The following C1orf94 variants were observed in gnomAD, a reference collection of about 807,000 sequenced individuals.
The protein encoded by C1orf94 is uncharacterized protein C1orf94.
In C1orf94, 45 loss-of-function variants were observed where a neutral mutation model predicts 53.6. The observed-to-expected ratio is 0.84, with a 90% confidence interval of 0.66 to 1.08. C1orf94 has a LOEUF of 1.08. C1orf94 is among the 50% of genes least tolerant of loss of function. C1orf94 has a pLI of 0.00. For synonymous variants in C1orf94, 304 were observed against 296.1 expected (o/e 1.03, Z -0.27); for missense variants, 762 against 738.9 (o/e 1.03, Z -0.36).
At chr1:34,200,651 A>G (rs1571345497) in intron 2 of C1orf94, 121 bp from the exon 3 acceptor site, 2 of 1,369,722 alleles carry the variant, frequency 1.5e-6, no homozygotes, top group East Asian at 2.3e-5. Context: ...GAGTCCCCCA[A>G]AGTGGTCCAA....
chr1:34,171,113 G>T (rs540235539), intron 1 of C1orf94, among the ~76,000 whole-genome samples: 1 of 152,140 alleles, frequency 6.6e-6, no homozygotes, highest in East Asian at 1.9e-4. Context: ...TAAAATCCAA[G>T]CTCCCTGCTA....
chr1:34,207,031 A>C lies in C1orf94; in HGVS notation c.1447-1126A>C, dbSNP rs1003781400. 2.6e-5 allele frequency among the ~76,000 whole-genome samples: 4 copies of C among 152,160 alleles called. No individual in the cohort carries two copies. In the South Asian group the frequency reaches 6.2e-4, roughly 24 times the overall value. The stretch of plus-strand genomic sequence containing the variant: ...CTCCATATCAGAAAGTCCACAGGCC[A>C]TGAGGGAACCCTCAAGGGTGTAGGG... On this transcript the variant is annotated intron_variant, in intron 4 of 6. Transcript: ENST00000488417.
intron 4 of C1orf94, among the ~76,000 whole-genome samples, chr1:34,205,033 C>T (rs775842592): frequency 1.3e-5 from 2 of 152,190 alleles, no homozygotes; most frequent in African/African-American, 2.4e-5. Context: ...CCGTGTAAAA[C>T]TAATTTGCAA....
chr1:34,212,418 C>T lies in C1orf94; in HGVS notation c.1721+12C>T. 1.2e-6 allele frequency: 2 copies of T among 1,605,236 alleles called. No homozygotes were observed. The highest frequency in any genetic ancestry group is 1.1e-5 in the South Asian group (1 of 89,766). ...CCCCAAGGATATGGGTGAGTCAGCC[C>T]ACACTGGGAGCCTAAGGGTATCCAG... On this transcript the variant is annotated intron_variant, in intron 6 of 6. Transcript: ENST00000488417.
intron 1 of C1orf94, among the ~76,000 whole-genome samples, chr1:34,180,789 G>A (rs1642300941): frequency 6.6e-6 from 1 of 152,204 alleles, no homozygotes. Flanking sequence ...CCTGGTTTTG[G>A]TGGTGTTTTC....
At chr1:34,187,045 A>C (rs78921077) in intron 1 of C1orf94, among the ~76,000 whole-genome samples, 3,509 of 152,280 alleles carry the variant, frequency 0.023, 144 homozygotes, top group African/African-American at 0.08. Context: ...GGAAGCACAG[A>C]ATATCAATAG....
intron 4 of C1orf94, among the ~76,000 whole-genome samples, chr1:34,205,761 T>C (rs1642781864): frequency 6.6e-6 from 1 of 152,066 alleles, no homozygotes; most frequent in Admixed American, 6.5e-5. Flanking sequence ...GCACTGGGAA[T>C]AAAGATAAGG....
chr1:34,205,506 C>T (rs1234756768), intron 4 of C1orf94, among the ~76,000 whole-genome samples: 1 of 152,176 alleles, frequency 6.6e-6, no homozygotes, highest in Non-Finnish European at 1.5e-5. Flanking sequence ...CATGGTTCCT[C>T]ATTTGTGAAA....
At chr1:34,218,640 T>A (rs1299845991) in intron 6 of C1orf94, 46 bp from the exon 7 acceptor site, 1 of 1,464,046 alleles carries the variant, frequency 6.8e-7, no homozygotes, top group Non-Finnish European at 9.4e-7. Flanking sequence ...TTCTCTCCGA[T>A]AACATTAGGA....
chr1:34,217,570 A>G (rs1643010745), intron 6 of C1orf94, among the ~76,000 whole-genome samples: 3 of 152,226 alleles, frequency 2.0e-5, no homozygotes, highest in African/African-American at 7.2e-5. Context: ...GGCCCTGGGC[A>G]CATGATATGA....
Position 34,177,005 on chromosome 1 carries a change from G to A in C1orf94, c.-785G>A, listed in dbSNP as rs1642236404. Among the ~76,000 whole-genome samples the A allele has an allele frequency of 6.6e-6, 1 of 152,192 alleles. No homozygotes were observed. The highest frequency in any genetic ancestry group is 1.5e-5 in the Non-Finnish European group (1 of 68,026). ...ACTGGCAGGCAAATTGGTGGGAGCCGCCCGGCCCAGCCTGCCTTGCCGAGT... is the reference window on the plus strand; with the variant it reads ...ACTGGCAGGCAAATTGGTGGGAGCCACCCGGCCCAGCCTGCCTTGCCGAGT... On this transcript the variant is annotated 5_prime_UTR_variant, in exon 1 of 7. Transcript: ENST00000488417.
chr1:34,218,718 A>G lies in C1orf94; in HGVS notation c.1754A>G (p.His585Arg). ...FGSTSGGPLM[H>R]SPYFSSSGNG... ...TCGACATCCGGAGGGCCCTTGATGC[A>G]CAGCCCCTATTTTTCTTCCAGTGGG... Residue 585 changes from histidine to arginine, a missense_variant, in exon 7 of 7, where the codon CAC becomes CGC. Coordinates refer to ENST00000488417, the MANE Select transcript of C1orf94 (RefSeq NM_001134734.2). 1 of 1,612,656 alleles carries G rather than the reference A, an allele frequency of 6.2e-7. No individual in the cohort carries two copies. Among genetic ancestry groups the G allele is most frequent in the East Asian group, 2.2e-5 (1 of 44,844 alleles).
rs756417359 is a variant in C1orf94 at position 34,178,022 on chromosome 1, A to G, written c.233A>G (p.Glu78Gly). Reference protein sequence around the residue: ...EIWKRVQGLPEASQPWTSMEQ... With the variant: ...EIWKRVQGLPGASQPWTSMEQ... Reference sequence around the variant, plus strand: ...TGGAAGAGAGTTCAAGGCCTGCCTGAGGCCTCACAGCCCTGGACCTCCATG... The same window carrying G: ...TGGAAGAGAGTTCAAGGCCTGCCTGGGGCCTCACAGCCCTGGACCTCCATG... The change falls in exon 1 of 7, where the codon GAG becomes GGG. Residue 78 changes from glutamate (E) to glycine (G), a missense_variant. Transcript: ENST00000488417. The G allele has an allele frequency of 3.9e-6, 6 of 1,551,738 alleles. No individual in the cohort carries two copies. The East Asian group carries it at 7.3e-5, about 19-fold the overall frequency.
intron 1 of C1orf94, among the ~76,000 whole-genome samples, chr1:34,171,125 ACCCT>A (rs1372106495): frequency 1.3e-5 from 2 of 151,568 alleles, no homozygotes; most frequent in Non-Finnish European, 2.9e-5. Context: ...TCCCTGCTAG[ACCCT>A]CCCTACAAGA....
intron 1 of C1orf94, among the ~76,000 whole-genome samples, chr1:34,187,841 G>A (rs1642410478): frequency 7.2e-6 from 1 of 138,216 alleles, no homozygotes; most frequent in Non-Finnish European, 1.5e-5. Flanking sequence ...TCCCTGGAGG[G>A]AGAATCAGGT....
At position 34,212,379 on chromosome 1, in the gene C1orf94, C is replaced by T. The variant is rs150314159; in HGVS notation, c.1694C>T (p.Pro565Leu). 38 of 1,611,730 alleles carry T rather than the reference C, an allele frequency of 2.4e-5. No homozygotes were observed. In the Middle Eastern group the frequency reaches 5.0e-4, roughly 21 times the overall value. ...RDPPLMAGDGPQYLFPQGYGF... is the reference protein window; with the variant it reads ...RDPPLMAGDGLQYLFPQGYGF... Reference sequence around the variant, plus strand: ...CCTCCCCTAATGGCAGGAGATGGACCGCAGTACCTCTTTCCCCAAGGATAT... The same window carrying T: ...CCTCCCCTAATGGCAGGAGATGGACTGCAGTACCTCTTTCCCCAAGGATAT... Residue 565 changes from proline (P) to leucine (L), a missense_variant, in exon 6 of 7, where the codon CCG (proline) becomes CTG (leucine). Coordinates refer to ENST00000488417, the MANE Select transcript of C1orf94 (RefSeq NM_001134734.2).
At chr1:34,187,444 C>T (rs1571338881) in intron 1 of C1orf94, among the ~76,000 whole-genome samples, 1 of 152,188 alleles carries the variant, frequency 6.6e-6, no homozygotes, top group East Asian at 1.9e-4. Context: ...CCCATGTCCC[C>T]CTTTGTAATT....
intron 1 of C1orf94, among the ~76,000 whole-genome samples, chr1:34,184,487 C>A (rs889549240): frequency 6.6e-6 from 1 of 152,160 alleles, no homozygotes; most frequent in African/African-American, 2.4e-5. Context: ...GAGCATTATT[C>A]CAAGCCAGAC....
rs775571680 is a variant in C1orf94, at chr1:34,197,495, G to A, written c.591G>A (p.Arg197=). The A allele has an allele frequency of 4.3e-6, 7 of 1,614,112 alleles. No individual in the cohort carries two copies. Among genetic ancestry groups the A allele is most frequent in the Non-Finnish European group, 5.9e-6 (7 of 1,180,024 alleles). ...TGGCCATGCCCGTTATCAGCAGCAG[G>A]CAGGACTGTGATTCTGCCACTTCTA... ...QKVAMPVISS[R]QDCDSATSTV... is the part of the protein sequence containing the mutation. Residue 197 remains arginine, a synonymous_variant, in exon 2 of 7, where the codon AGG becomes AGA. Coordinates refer to ENST00000488417, the MANE Select transcript of C1orf94 (RefSeq NM_001134734.2). This position sits in a 1 kb window ranked among gnomAD's most constrained non-coding sequence, Gnocchi z 4.1.
Sources: allele counts gnomAD v4.1 joint callset (sites outside exome capture counted in the v4.1 genomes callset), GRCh38; gene constraint gnomAD v4.1.1; non-coding constraint Gnocchi (gnomAD v3.1); transcripts MANE v1.5; gene names NCBI Gene and HGNC (gene_info 2026-07-23, HGNC 2026-07-21).